The following YTHDC2 variants were observed in gnomAD, a reference collection of about 807,000 sequenced individuals.
YTHDC2 encodes 3'-5' RNA helicase YTHDC2.
In YTHDC2, 45 loss-of-function variants were observed where a neutral mutation model predicts 174.9. That is an observed-to-expected ratio of 0.26 (90% CI 0.20 to 0.33). The LOEUF is 0.33. YTHDC2 is among the 10% of genes least tolerant of loss of function. YTHDC2 has a pLI of 1.00. For missense variants in YTHDC2, 1,650 were observed against 1,723.7 expected (o/e 0.96, Z 0.76); for synonymous variants, 657 against 574.5 (o/e 1.14, Z -2.05).
At position 113,584,406 on chromosome 5, in the gene YTHDC2, C is replaced by G. The variant is rs764918921; in HGVS notation, c.3752C>G (p.Ser1251Cys). The change falls in exon 26 of 30, where the codon TCT becomes TGT. Residue 1251 changes from serine to cysteine, a missense_variant. Ser to Cys is a moderately radical substitution (Grantham distance 112). Around this residue, in one of 5 missense-constraint regions of YTHDC2, gnomAD observed 913 missense variants for 940.4 expected, o/e 0.97. Coordinates refer to ENST00000161863, the MANE Select transcript of YTHDC2 (RefSeq NM_022828.5). ...KRGTEDRSDQ[S>C]SLKSTDSSSY... The stretch of plus-strand genomic sequence containing the variant: ...GGTACTGAGGACCGATCAGATCAGT[C>G]TTCTCTGAAATCTACAGACAGCAGT... 2 of 1,613,934 alleles carry G rather than the reference C, an allele frequency of 1.2e-6. No homozygotes were observed. Among genetic ancestry groups the G allele is most frequent in the African/African-American group, 2.7e-5 (2 of 75,026 alleles).
intron 21 of YTHDC2, among the ~76,000 whole-genome samples, chr5:113,566,324 T>C (rs1484256256): frequency 6.6e-6 from 1 of 152,200 alleles, no homozygotes; most frequent in Non-Finnish European, 1.5e-5. Flanking sequence ...ATAGTTATTT[T>C]CTTTTATCAC....
At chr5:113,571,813 T>C (rs1394742055) in intron 23 of YTHDC2, among the ~76,000 whole-genome samples, 4 of 152,186 alleles carry the variant, frequency 2.6e-5, no homozygotes, top group Non-Finnish European at 5.9e-5. Context: ...ATGGGGTCAG[T>C]GGTGAGATCC....
intron 26 of YTHDC2, among the ~76,000 whole-genome samples, chr5:113,589,408 A>AAAAATATATATATATATAT (rs368975720): frequency 1.6e-5 from 2 of 123,262 alleles, no homozygotes; most frequent in African/African-American, 6.8e-5. Context: ...AAAAAAAAAA[A>AAAAATATATATATATATAT]ATATATATAT....
At chr5:113,564,750 T>G (rs992232981) in intron 20 of YTHDC2, among the ~76,000 whole-genome samples, 1 of 152,208 alleles carries the variant, frequency 6.6e-6, no homozygotes, top group Non-Finnish European at 1.5e-5. Context: ...AATATGTTAT[T>G]TCTTGAAAAC....
chr5:113,536,255 G>T (rs573288814), intron 7 of YTHDC2, among the ~76,000 whole-genome samples: 1 of 152,198 alleles, frequency 6.6e-6, no homozygotes, highest in African/African-American at 2.4e-5. Flanking sequence ...GCCGGGCGTG[G>T]GGGCTCACGC....
chr5:113,533,942 A>C (rs1434984475), intron 5 of YTHDC2, among the ~76,000 whole-genome samples: 1 of 152,172 alleles, frequency 6.6e-6, no homozygotes, highest in Non-Finnish European at 1.5e-5. Context: ...AGGAATACTC[A>C]GTATATGTAG....
At chr5:113,545,959 C>G (rs1179601433) in intron 10 of YTHDC2, among the ~76,000 whole-genome samples, 1 of 115,284 alleles carries the variant, frequency 8.7e-6, no homozygotes, top group Non-Finnish European at 1.7e-5. Flanking sequence ...CCGGGATGGT[C>G]TCGATCTCCT....
chr5:113,584,408 T>G lies in YTHDC2; in HGVS notation c.3754T>G (p.Ser1252Ala). ...TACTGAGGACCGATCAGATCAGTCT[T>G]CTCTGAAATCTACAGACAGCAGTAG... ...RGTEDRSDQS[S>A]LKSTDSSSYP... Residue 1252 changes from serine (S) to alanine (A), a missense_variant, in exon 26 of 30, where the codon TCT becomes GCT. Ser to Ala is a moderately conservative substitution (Grantham distance 99). Around this residue, in one of 5 missense-constraint regions of YTHDC2, gnomAD observed 913 missense variants for 940.4 expected, o/e 0.97. Coordinates refer to ENST00000161863, the MANE Select transcript of YTHDC2 (RefSeq NM_022828.5). 1.2e-6 allele frequency: 2 copies of G among 1,613,854 alleles called. No homozygotes were observed. The highest frequency in any genetic ancestry group is 1.7e-6 in the Non-Finnish European group (2 of 1,179,824).
chr5:113,517,801 T>C (rs949562137), intron 2 of YTHDC2, among the ~76,000 whole-genome samples: 3 of 152,244 alleles, frequency 2.0e-5, no homozygotes, highest in African/African-American at 7.2e-5. Flanking sequence ...ACTTTGAATC[T>C]ACTTCTCAAA....
intron 2 of YTHDC2, among the ~76,000 whole-genome samples, 166 bp from the exon 3 acceptor site, chr5:113,524,815 G>T (rs988161806): frequency 6.6e-6 from 1 of 151,994 alleles, no homozygotes; most frequent in Non-Finnish European, 1.5e-5. Flanking sequence ...GGCCACTTTA[G>T]CCCAAATCTT....
intron 7 of YTHDC2, 145 bp downstream of exon 7, chr5:113,535,943 T>G: frequency 1.6e-6 from 1 of 641,170 alleles, no homozygotes; most frequent in Non-Finnish European, 2.5e-6. Flanking sequence ...TGTCACTTCT[T>G]TCTGTTTTCA....
intron 10 of YTHDC2, among the ~76,000 whole-genome samples, chr5:113,546,716 G>C (rs1172912507): frequency 1.3e-5 from 2 of 152,210 alleles, no homozygotes; most frequent in African/African-American, 4.8e-5. Flanking sequence ...GAGTGGTTTA[G>C]CTGAGTGGTC....
At chr5:113,573,969 GC>G (rs1381835381) in intron 23 of YTHDC2, among the ~76,000 whole-genome samples, 2 of 152,228 alleles carry the variant, frequency 1.3e-5, no homozygotes, top group African/African-American at 4.8e-5. Flanking sequence ...TGTCATTTTA[GC>G]CATCTCAGCC....
At position 113,522,699 on chromosome 5, in the gene YTHDC2, G is replaced by A. The variant is rs145439912; in HGVS notation, c.279-2282G>A. The stretch of plus-strand genomic sequence containing the variant: ...AGGAGTTCTCAATTTGTTAGTTTAC[G>A]TAGTATGACAAATTTCTACTGTATT... On this transcript the variant is annotated intron_variant, in intron 2 of 29. Coordinates refer to ENST00000161863, the MANE Select transcript of YTHDC2 (RefSeq NM_022828.5). Among the ~76,000 whole-genome samples, 126 of 152,182 alleles carry A rather than the reference G, an allele frequency of 8.3e-4. 1 individual carries two copies. The highest frequency in any genetic ancestry group is 2.8e-3 in the African/African-American group (115 of 41,552).
intron 12 of YTHDC2, among the ~76,000 whole-genome samples, chr5:113,551,941 G>A (rs1301451900): frequency 6.6e-6 from 1 of 152,050 alleles, no homozygotes; most frequent in Non-Finnish European, 1.5e-5. Context: ...AGATGAAGAA[G>A]CAAGGCATTT....
In YTHDC2 at chr5:113,565,908, C is replaced by T. The variant is rs1351591620; in HGVS notation, c.2731C>T (p.Arg911Ter). The T allele has an allele frequency of 1.2e-6, 2 of 1,611,682 alleles. No individual in the cohort carries two copies. Among genetic ancestry groups the T allele is most frequent in the Admixed American group, 1.7e-5 (1 of 59,634 alleles). The change falls in exon 21 of 30, where the codon CGA (arginine) becomes TGA (stop). Residue 911 changes from arginine (R) to a stop codon, truncating the protein, a stop_gained. Transcript: ENST00000161863. LOFTEE classifies it high-confidence loss of function. ...LRAFQAWQKARSDGWERAFCE... is the reference protein window; with the variant it reads ...LRAFQAWQKA ...CTTTTTATAGGCCTGGCAAAAAGCA[C>T]GAAGTGATGGGTGGGAGCGAGCCTT...
At chr5:113,555,158 G>A (rs1776514341) in intron 16 of YTHDC2, among the ~76,000 whole-genome samples, 1 of 151,864 alleles carries the variant, frequency 6.6e-6, no homozygotes, top group South Asian at 2.1e-4. Context: ...ACCTAAAGTG[G>A]ATAAAGTGGG....
chr5:113,580,635 C>T (rs1778343904), intron 24 of YTHDC2, among the ~76,000 whole-genome samples: 1 of 152,194 alleles, frequency 6.6e-6, no homozygotes, highest in Non-Finnish European at 1.5e-5. Context: ...CAATTCATCA[C>T]TTCACTGAAA....
intron 12 of YTHDC2, among the ~76,000 whole-genome samples, chr5:113,552,733 C>G (rs1776332519): frequency 6.6e-6 from 1 of 151,944 alleles, no homozygotes; most frequent in South Asian, 2.1e-4. Flanking sequence ...TGAAGAACTG[C>G]CACATTGTTT....
Sources: allele counts gnomAD v4.1 joint callset (sites outside exome capture counted in the v4.1 genomes callset), GRCh38; gene constraint gnomAD v4.1.1; regional missense constraint gnomAD v4.1.1; transcripts MANE v1.5; gene names NCBI Gene and HGNC (gene_info 2026-07-23, HGNC 2026-07-21).